ADAMTSL3: variants seen among roughly 807,000 people sequenced by gnomAD.
ADAMTSL3 encodes ADAMTS like 3, also known as ADAMTS-like protein 3.
Under a neutral mutation model 201.7 loss-of-function variants are expected in ADAMTSL3, and 128 were observed. That is an observed-to-expected ratio of 0.63 (90% CI 0.55 to 0.73). ADAMTSL3 has a LOEUF of 0.73. Ranked by LOEUF, ADAMTSL3 falls within the 30% of genes least tolerant of loss-of-function variation. The pLI is 0.00. For missense variants in ADAMTSL3, 1,990 were observed against 2,119.6 expected (o/e 0.94, Z 1.20); for synonymous variants, 738 against 748.4 (o/e 0.99, Z 0.23).
chr15:83,949,453 T>A (rs1486705673), intron 19 of ADAMTSL3, among the ~76,000 whole-genome samples: 1 of 152,216 alleles, frequency 6.6e-6, no homozygotes, highest in Non-Finnish European at 1.5e-5. Context: ...CTATTGTGAA[T>A]ACGGCTGTGG....
intron 3 of ADAMTSL3, among the ~76,000 whole-genome samples, chr15:83,769,461 G>A (rs190146725): frequency 6.6e-5 from 10 of 152,250 alleles, no homozygotes; most frequent in African/African-American, 1.7e-4. Flanking sequence ...GTTTGGTGAC[G>A]TTTACTATAG....
chr15:83,928,611 TC>T (rs2066292293), intron 17 of ADAMTSL3, among the ~76,000 whole-genome samples: 1 of 152,222 alleles, frequency 6.6e-6, no homozygotes. Context: ...AAATAACTGT[TC>T]CACTCTTGCT....
At chr15:83,817,238 C>A (rs1202063874) in intron 5 of ADAMTSL3, among the ~76,000 whole-genome samples, 1 of 152,130 alleles carries the variant, frequency 6.6e-6, no homozygotes, top group Non-Finnish European at 1.5e-5. Flanking sequence ...CAATAAAATA[C>A]AAACGTGAAG....
intron 2 of ADAMTSL3, among the ~76,000 whole-genome samples, chr15:83,688,677 G>T (rs1239760232): frequency 6.7e-6 from 1 of 150,232 alleles, no homozygotes; most frequent in Non-Finnish European, 1.5e-5. Flanking sequence ...TTGAGCTGAA[G>T]AATTTATTAA....
At chr15:83,831,531 CTCTTTATTTATTAACTT>C (rs1409753873) in intron 6 of ADAMTSL3, among the ~76,000 whole-genome samples, 1 of 152,048 alleles carries the variant, frequency 6.6e-6, no homozygotes, top group Non-Finnish European at 1.5e-5. Flanking sequence ...TAGAAGTGCC[CTCTTTATTTATTAACTT>C]TTGAGACAAA....
chr15:84,039,433 A>T lies in ADAMTSL3; in HGVS notation c.*1627A>T, dbSNP rs1214465935. The T allele has an allele frequency of 1.3e-5, 2 of 152,636 alleles. No individual in the cohort carries two copies. Among genetic ancestry groups the T allele is most frequent in the South Asian group, 4.1e-4 (2 of 4,826 alleles). 9.5% of individuals were successfully genotyped at this position (152,636 alleles called of 1,614,324 possible). On this transcript the variant is annotated 3_prime_UTR_variant, in exon 30 of 30. Transcript: ENST00000286744. The stretch of plus-strand genomic sequence containing the variant: ...TGGAGGGTTTGGTGATTGGGAATGG[A>T]TGGGGGACAGTGAGGAGGACACACC...
At chr15:83,811,835 A>C (rs12441956) in intron 5 of ADAMTSL3, among the ~76,000 whole-genome samples, 22,723 of 152,200 alleles carry the variant, frequency 0.15, 2,271 homozygotes, top group Middle Eastern at 0.32. Context: ...CAGAATTTCC[A>C]ACAAAATTCC....
At chr15:83,673,092 A>C (rs1299243143) in intron 2 of ADAMTSL3, among the ~76,000 whole-genome samples, 1 of 152,248 alleles carries the variant, frequency 6.6e-6, no homozygotes, top group Non-Finnish European at 1.5e-5. Context: ...GAAGGAATGC[A>C]TGGAGTGGCA....
chr15:83,930,270 A>G (rs1350519784), intron 17 of ADAMTSL3, among the ~76,000 whole-genome samples: 1 of 152,034 alleles, frequency 6.6e-6, no homozygotes, highest in Non-Finnish European at 1.5e-5. Context: ...TTTTTCACTC[A>G]TGTCTTCAAA....
At chr15:83,970,222 A>G (rs940730933) in intron 19 of ADAMTSL3, among the ~76,000 whole-genome samples, 7 of 149,800 alleles carry the variant, frequency 4.7e-5, no homozygotes, top group African/African-American at 1.7e-4. Flanking sequence ...GTGAGATGGA[A>G]GGAGGGGGAG....
At chr15:83,925,779 T>A (rs8034577) in intron 17 of ADAMTSL3, among the ~76,000 whole-genome samples, 117,911 of 152,122 alleles carry the variant, frequency 0.78, 45,871 homozygotes, top group African/African-American at 0.82. Flanking sequence ...TTCTGTTCTA[T>A]TATTGGAACC....
chr15:83,855,926 G>A (rs954156720), intron 7 of ADAMTSL3, among the ~76,000 whole-genome samples: 2 of 151,986 alleles, frequency 1.3e-5, no homozygotes, highest in Non-Finnish European at 1.5e-5. Context: ...TGGGAGGATT[G>A]CTTGAGCCCA....
At chr15:83,961,023 A>T (rs2066959431) in intron 19 of ADAMTSL3, among the ~76,000 whole-genome samples, 1 of 152,234 alleles carries the variant, frequency 6.6e-6, no homozygotes, top group African/African-American at 2.4e-5. Context: ...AGGAAGTTAT[A>T]GTCTTGATGT....
intron 2 of ADAMTSL3, 106 bp from the exon 3 acceptor site, chr15:83,704,283 G>A (rs2061817476): frequency 6.6e-7 from 1 of 1,519,914 alleles, no homozygotes; most frequent in Non-Finnish European, 8.9e-7. Flanking sequence ...TTGTTTCTTG[G>A]TACAGCTATT....
At chr15:83,864,073 A>C (rs2064924256) in intron 8 of ADAMTSL3, among the ~76,000 whole-genome samples, 1 of 152,230 alleles carries the variant, frequency 6.6e-6, no homozygotes, top group Non-Finnish European at 1.5e-5. Context: ...GAAGAAGTTG[A>C]ATCTCTGAAT....
At chr15:83,814,344 G>A (rs964864799) in intron 5 of ADAMTSL3, among the ~76,000 whole-genome samples, 13 of 151,954 alleles carry the variant, frequency 8.6e-5, no homozygotes, top group South Asian at 2.1e-4. Context: ...AGTCCCCTCC[G>A]TGGATCCTTA....
intron 2 of ADAMTSL3, among the ~76,000 whole-genome samples, chr15:83,657,241 A>G (rs2061099668): frequency 6.6e-6 from 1 of 152,008 alleles, no homozygotes; most frequent in Non-Finnish European, 1.5e-5. Flanking sequence ...GCCTTCTTTC[A>G]CCTTATAAAA....
Position 84,025,277 on chromosome 15 carries a change from C to T in ADAMTSL3, c.4497C>T (p.Cys1499=), listed in dbSNP as rs373830039. ...TGTGGTCACAGTGCTCTGTGTCTTG[C>T]GGTGAAGGATACCACAGTCGGCAGG... ...TSVWSQCSVS[C]GEGYHSRQVT... The change falls in exon 27 of 30, where the codon TGC becomes TGT. Residue 1499 remains cysteine (C), a synonymous_variant. Transcript: ENST00000286744. 46 of 1,612,510 alleles carry T rather than the reference C, an allele frequency of 2.9e-5. No individual in the cohort carries two copies. The highest frequency in any genetic ancestry group is 2.0e-4 in the South Asian group (18 of 90,670).
intron 2 of ADAMTSL3, among the ~76,000 whole-genome samples, chr15:83,686,381 A>G (rs1343410383): frequency 1.3e-5 from 2 of 152,216 alleles, no homozygotes; most frequent in Non-Finnish European, 2.9e-5. Context: ...CACACTTTGA[A>G]TTATGCTTGA....
Sources: gnomAD v4.1 joint callset for allele counts (sites outside exome capture counted in the v4.1 genomes callset) on GRCh38, gnomAD v4.1.1 for gene constraint, MANE v1.5 for transcripts, NCBI Gene and HGNC (gene_info 2026-07-23, HGNC 2026-07-21) for gene names.